The following ST6GALNAC3 variants were observed in gnomAD, a reference collection of about 807,000 sequenced individuals.
ST6GALNAC3 encodes alpha-N-acetylgalactosaminide alpha-2,6-sialyltransferase 3.
A neutral mutation model predicts 32.7 loss-of-function variants in ST6GALNAC3; 25 were observed. That is an observed-to-expected ratio of 0.76 (90% CI 0.56 to 1.07). The LOEUF (loss-of-function observed/expected upper bound fraction) is 1.07. ST6GALNAC3 is among the 50% of genes least tolerant of loss of function. The probability of loss-of-function intolerance (pLI) is 0.00; values close to 1 mark genes in which losing one functional copy is unlikely to be tolerated. For missense variants in ST6GALNAC3, 355 were observed against 382.4 expected, an observed-to-expected ratio of 0.93 and a Z score of 0.60; for synonymous variants, 129 against 133.1, an observed-to-expected ratio of 0.97 and a Z score of 0.21.
intron 1 of ST6GALNAC3, among the ~76,000 whole-genome samples, chr1:76,295,473 T>A (rs958404546): frequency 6.6e-6 from 1 of 152,072 alleles, no homozygotes; most frequent in African/African-American, 2.4e-5. Flanking sequence ...TCCCTAGTGA[T>A]GTAGGATGAC....
intron 1 of ST6GALNAC3, among the ~76,000 whole-genome samples, chr1:76,116,736 GCCTT>G (rs1648507215): frequency 6.6e-6 from 1 of 152,120 alleles, no homozygotes; most frequent in Admixed American, 6.5e-5. Context: ...TTCCAGACCA[GCCTT>G]GCCAACATGG....
At chr1:76,490,215 A>G (rs1207880425) in intron 3 of ST6GALNAC3, among the ~76,000 whole-genome samples, 2 of 152,044 alleles carry the variant, frequency 1.3e-5, no homozygotes, top group African/African-American at 4.8e-5. Flanking sequence ...GAAGGTGGAG[A>G]TGGCTAGAGA....
In ST6GALNAC3 at chr1:76,253,020, A is replaced by T. The variant is rs75920775; in HGVS notation, c.19-60785A>T. ...AATTTAAAAGAATTTTACCACTTCCATATTGTGTTGCTTACTTCATGGTAT... is the reference window on the plus strand; with the variant it reads ...AATTTAAAAGAATTTTACCACTTCCTTATTGTGTTGCTTACTTCATGGTAT... On this transcript the variant is annotated intron_variant, in intron 1 of 4. Coordinates refer to ENST00000328299, the MANE Select transcript of ST6GALNAC3 (RefSeq NM_152996.4). 1.3e-3 allele frequency among the ~76,000 whole-genome samples: 191 copies of T among 152,250 alleles called. 1 individual carries two copies. The East Asian group carries it at 0.023, about 18-fold the overall frequency.
chr1:76,414,530 A>G (rs1276389200), intron 3 of ST6GALNAC3, among the ~76,000 whole-genome samples: 1 of 152,078 alleles, frequency 6.6e-6, no homozygotes, highest in Non-Finnish European at 1.5e-5. Flanking sequence ...ATTTCCCATG[A>G]CAATCTGATA....
At chr1:76,435,407 A>C (rs764248304) in intron 3 of ST6GALNAC3, among the ~76,000 whole-genome samples, 4 of 152,208 alleles carry the variant, frequency 2.6e-5, no homozygotes, top group Non-Finnish European at 5.9e-5. Context: ...TGGTGAGAAT[A>C]ATCCAGTGTC....
intron 2 of ST6GALNAC3, among the ~76,000 whole-genome samples, chr1:76,371,139 T>G (rs1380854369): frequency 6.6e-6 from 1 of 152,124 alleles, no homozygotes; most frequent in Non-Finnish European, 1.5e-5. Flanking sequence ...TTGCAAGAAT[T>G]TTTATTAAAT....
At chr1:76,213,107 C>A (rs1655258536) in intron 1 of ST6GALNAC3, among the ~76,000 whole-genome samples, 1 of 152,324 alleles carries the variant, frequency 6.6e-6, no homozygotes, top group South Asian at 2.1e-4. Flanking sequence ...GCTATGTGAT[C>A]ATTTTCCTCC....
chr1:76,390,512 T>C (rs1652451037), intron 2 of ST6GALNAC3, among the ~76,000 whole-genome samples: 1 of 152,218 alleles, frequency 6.6e-6, no homozygotes, highest in Non-Finnish European at 1.5e-5. Flanking sequence ...CTACTGGTAA[T>C]CAGCCTTTTA....
At chr1:76,426,690 T>A (rs902036043) in intron 3 of ST6GALNAC3, among the ~76,000 whole-genome samples, 10 of 152,072 alleles carry the variant, frequency 6.6e-5, no homozygotes, top group African/African-American at 2.4e-4. Flanking sequence ...TCAAGTATTA[T>A]ATACTGTACA....
chr1:76,444,834 A>C (rs1339323367), intron 3 of ST6GALNAC3, among the ~76,000 whole-genome samples: 1 of 152,166 alleles, frequency 6.6e-6, no homozygotes, highest in Non-Finnish European at 1.5e-5. Flanking sequence ...ACTCCCTTGC[A>C]AGGGCCCCAG....
chr1:76,196,569 G>A lies in ST6GALNAC3; in HGVS notation c.19-117236G>A, dbSNP rs2706191. On this transcript the variant is annotated intron_variant, in intron 1 of 4. Transcript: ENST00000328299. ...CAGCCTCCTCCTCCCGGGTTCAAGCGATTCTCCCACGTCAGCCTCTCGAGT... is the reference window on the plus strand; with the variant it reads ...CAGCCTCCTCCTCCCGGGTTCAAGCAATTCTCCCACGTCAGCCTCTCGAGT... Among the ~76,000 whole-genome samples, 476 of 151,838 alleles carry A rather than the reference G, an allele frequency of 3.1e-3. 2 individuals are homozygous for A. Among genetic ancestry groups the A allele is most frequent in the African/African-American group, 0.011 (463 of 41,386 alleles).
At chr1:76,272,916 G>T (rs1165546046) in intron 1 of ST6GALNAC3, among the ~76,000 whole-genome samples, 2 of 152,188 alleles carry the variant, frequency 1.3e-5, no homozygotes, top group Non-Finnish European at 2.9e-5. Context: ...CGTCTTGATG[G>T]ATGCCTAAGG....
intron 2 of ST6GALNAC3, among the ~76,000 whole-genome samples, chr1:76,365,457 T>A (rs2101063448): frequency 6.6e-6 from 1 of 152,340 alleles, no homozygotes; most frequent in South Asian, 2.1e-4. Context: ...ACCTGCACGT[T>A]TACTTCCTGA....
intron 3 of ST6GALNAC3, among the ~76,000 whole-genome samples, chr1:76,550,675 T>C (rs1570231885): frequency 6.6e-6 from 1 of 152,202 alleles, no homozygotes; most frequent in Admixed American, 6.5e-5. Flanking sequence ...TGTGTACCAG[T>C]TTCTTTTTTA....
chr1:76,607,820 C>T lies in ST6GALNAC3; in HGVS notation c.624-19632C>T, dbSNP rs145550878. ...GCCCAGTACCTGTGTGTAGGGGACA[C>T]GCTACACAGCCATAATCTGCAGCTC... On this transcript the variant is annotated intron_variant, in intron 3 of 4. Transcript: ENST00000328299. 7.6e-3 allele frequency among the ~76,000 whole-genome samples: 1,155 copies of T among 152,242 alleles called. 11 individuals carry two copies. The highest frequency in any genetic ancestry group is 0.024 in the Middle Eastern group (7 of 294).
chr1:76,485,830 A>C (rs1184685297), intron 3 of ST6GALNAC3, among the ~76,000 whole-genome samples: 1 of 152,190 alleles, frequency 6.6e-6, no homozygotes, highest in African/African-American at 2.4e-5. Flanking sequence ...TGTCCATTTT[A>C]GATCTTTCCT....
chr1:76,291,075 G>A (rs1301093480), intron 1 of ST6GALNAC3, among the ~76,000 whole-genome samples: 1 of 152,150 alleles, frequency 6.6e-6, no homozygotes, highest in Non-Finnish European at 1.5e-5. Flanking sequence ...CTATGAAACC[G>A]GCTTGTTTTG....
intron 1 of ST6GALNAC3, among the ~76,000 whole-genome samples, chr1:76,235,875 C>T (rs1381896896): frequency 1.3e-5 from 2 of 151,328 alleles, no homozygotes; most frequent in Non-Finnish European, 2.9e-5. Flanking sequence ...GTGTTCTCCC[C>T]TGTGTATGCC....
chr1:76,617,441 A>G (rs1316986797), intron 3 of ST6GALNAC3, among the ~76,000 whole-genome samples: 2 of 152,186 alleles, frequency 1.3e-5, no homozygotes, highest in East Asian at 1.9e-4. Flanking sequence ...AAAATCTTTA[A>G]TTACCTTTAT....
Sources: allele counts gnomAD v4.1 joint callset (sites outside exome capture counted in the v4.1 genomes callset), GRCh38; gene constraint gnomAD v4.1.1; transcripts MANE v1.5; gene names NCBI Gene and HGNC (gene_info 2026-07-23, HGNC 2026-07-21).